LRRC28: variants seen among roughly 807,000 people sequenced by gnomAD.
The protein encoded by LRRC28 is leucine-rich repeat-containing protein 28.
LRRC28 carries 39 observed loss-of-function variants against 45.7 expected under a neutral mutation model. The observed-to-expected ratio is 0.85, with a 90% CI of 0.66 to 1.12. LRRC28 has a LOEUF of 1.12. Ranked by LOEUF, LRRC28 falls within the 50% of genes most tolerant of loss-of-function variation. The pLI is 0.00. For synonymous variants in LRRC28, 206 were observed against 178.8 expected, an observed-to-expected ratio of 1.15 and a Z score of -1.22; for missense variants, 435 against 438.5, an observed-to-expected ratio of 0.99 and a Z score of 0.07.
intron 7 of LRRC28, 84 bp from the exon 8 acceptor site, chr15:99,361,252 G>A (rs1597430916): frequency 6.9e-7 from 1 of 1,455,428 alleles, no homozygotes; most frequent in Non-Finnish European, 9.2e-7. Context: ...ATTTTCAAAT[G>A]TATATTTTGA....
intron 5 of LRRC28, among the ~76,000 whole-genome samples, chr15:99,327,534 A>C (rs983816682): frequency 3.9e-5 from 6 of 152,120 alleles, no homozygotes; most frequent in African/African-American, 1.4e-4. Context: ...AATTTCTGTA[A>C]AGTTAATAGT....
Position 99,317,775 on chromosome 15 carries a change from G to GA in LRRC28, c.386-16141dup, listed in dbSNP as rs949356924. ...TTTTATTTGCAACTAAAGCATTTCT[G>GA]AAAAAAATATGACTTATAAAACACA... is the stretch of plus-strand genomic sequence containing the variant. On this transcript the variant is annotated intron_variant, in intron 5 of 9. Transcript: ENST00000301981. Among the ~76,000 whole-genome samples, 4 of 152,128 alleles carry GA rather than the reference G, an allele frequency of 2.6e-5. No homozygotes were observed. In the East Asian group the frequency reaches 5.8e-4, roughly 22 times the overall value.
chr15:99,323,690 A>G (rs1261708847), intron 5 of LRRC28, among the ~76,000 whole-genome samples: 1 of 152,238 alleles, frequency 6.6e-6, no homozygotes, highest in South Asian at 2.1e-4. Flanking sequence ...CATCAATTAC[A>G]GAAGTATTTA....
intron 5 of LRRC28, among the ~76,000 whole-genome samples, chr15:99,299,731 C>T (rs2082350453): frequency 6.6e-6 from 1 of 152,180 alleles, no homozygotes; most frequent in Non-Finnish European, 1.5e-5. Flanking sequence ...AACCCCCCCA[C>T]TCAATGTGCA....
intron 2 of LRRC28, among the ~76,000 whole-genome samples, chr15:99,257,280 G>T (rs2081050423): frequency 6.6e-6 from 1 of 152,196 alleles, no homozygotes; most frequent in Non-Finnish European, 1.5e-5. Flanking sequence ...TCTATTTGCA[G>T]TTATAGGAAT....
At chr15:99,258,182 A>C (rs968756112) in intron 2 of LRRC28, 95 of 1,612,496 alleles carry the variant, frequency 5.9e-5, no homozygotes, top group Non-Finnish European at 7.9e-5. Flanking sequence ...TGGCCAGTCA[A>C]CTTCTGAATT....
At chr15:99,311,853 C>T (rs1056832256) in intron 5 of LRRC28, among the ~76,000 whole-genome samples, 4 of 152,044 alleles carry the variant, frequency 2.6e-5, no homozygotes, top group African/African-American at 9.7e-5. Context: ...ATGTATATTT[C>T]TTAATTTCTT....
rs955608757 is a variant in LRRC28 at position 99,251,504 on chromosome 15, C to T, written c.-98C>T. ...CCGTCCCCCGCTTGGCTTCCAGCGCCGCTTGCGCTCCGGAGCGCTGGCTCT... is the reference window on the plus strand; with the variant it reads ...CCGTCCCCCGCTTGGCTTCCAGCGCTGCTTGCGCTCCGGAGCGCTGGCTCT... On this transcript the variant is annotated 5_prime_UTR_variant, in exon 1 of 10. Transcript: ENST00000301981. 7 of 152,362 alleles carry T rather than the reference C, an allele frequency of 4.6e-5. No individual in the cohort carries two copies. Among genetic ancestry groups the T allele is most frequent in the Admixed American group, 1.3e-4 (2 of 15,276 alleles). 9.4% of individuals were successfully genotyped at this position (152,362 alleles called of 1,614,324 possible).
Position 99,347,157 on chromosome 15 carries a change from C to G in LRRC28, c.593-5212C>G, listed in dbSNP as rs1165761552. On this transcript the variant is annotated intron_variant, in intron 6 of 9. Coordinates refer to ENST00000301981, the MANE Select transcript of LRRC28 (RefSeq NM_144598.5). Reference sequence around the variant, plus strand: ...GTCTGCTATTTTCCATCCTTACCTTCTTCCCACATGATAACGCCTGTTTCA... The same window carrying G: ...GTCTGCTATTTTCCATCCTTACCTTGTTCCCACATGATAACGCCTGTTTCA... 2.0e-5 allele frequency among the ~76,000 whole-genome samples: 3 copies of G among 151,712 alleles called. No individual in the cohort carries two copies. In the East Asian group the frequency reaches 5.8e-4, roughly 29 times the overall value.
chr15:99,389,406 TTAG>T lies in LRRC28; in HGVS notation c.*3313_*3315del, dbSNP rs1003804189. On this transcript the variant is annotated 3_prime_UTR_variant, in exon 10 of 10. Transcript: ENST00000301981. ...GGACTTTCAAAGCCAATTTTTAAAA[TTAG>T]TAGTAGTAAAGGTTTTTCCCTTTCC... 2.6e-5 allele frequency: 4 copies of T among 152,320 alleles called. No homozygotes were observed. In the South Asian group the frequency reaches 6.2e-4, roughly 24 times the overall value. 9.4% of individuals were successfully genotyped at this position (152,320 alleles called of 1,614,324 possible).
At chr15:99,366,280 C>T (rs1237530015) in intron 9 of LRRC28, among the ~76,000 whole-genome samples, 3 of 152,172 alleles carry the variant, frequency 2.0e-5, no homozygotes, top group Non-Finnish European at 4.4e-5. Flanking sequence ...CTTCTCCCTT[C>T]GTCTCTTCAC....
intron 5 of LRRC28, among the ~76,000 whole-genome samples, chr15:99,315,763 A>T (rs2152270957): frequency 6.6e-6 from 1 of 152,304 alleles, no homozygotes; most frequent in Non-Finnish European, 1.5e-5. Context: ...AAGGTAAGGT[A>T]TCAGAAATAC....
At chr15:99,279,598 G>T (rs562281927) in intron 3 of LRRC28, among the ~76,000 whole-genome samples, 109 of 152,180 alleles carry the variant, frequency 7.2e-4, no homozygotes, top group Non-Finnish European at 1.4e-3. Flanking sequence ...TTTTCTCTTT[G>T]ATTGTGAACT....
intron 3 of LRRC28, chr15:99,284,945 C>CCCATCAAAACCACCTCCA: frequency 1.6e-6 from 1 of 611,044 alleles, no homozygotes; most frequent in Non-Finnish European, 3.1e-6. Flanking sequence ...AGTTGTCATT[C>CCCATCAAAACCACCTCCA]CCATCAAAAC....
chr15:99,293,627 A>AAAAAAAAAAAAAAC (rs2082190095), intron 5 of LRRC28, among the ~76,000 whole-genome samples: 1 of 143,752 alleles, frequency 7.0e-6, no homozygotes, highest in Admixed American at 7.1e-5. Flanking sequence ...AAAAAAAAAA[A>AAAAAAAAAAAAAAC]AAAAAACCTA....
At chr15:99,275,368 CCTCTA>C (rs1323065602) in intron 2 of LRRC28, among the ~76,000 whole-genome samples, 3 of 152,132 alleles carry the variant, frequency 2.0e-5, no homozygotes, top group African/African-American at 7.2e-5. Context: ...ATTTCCTGGC[CCTCTA>C]CTCTGATGTC....
chr15:99,322,470 T>C (rs111878414), intron 5 of LRRC28, among the ~76,000 whole-genome samples: 6 of 152,244 alleles, frequency 3.9e-5, no homozygotes, highest in East Asian at 3.9e-4. Flanking sequence ...TGGACTCTTA[T>C]GGGGCCCTCA....
chr15:99,302,637 G>A (rs1955026302), intron 5 of LRRC28, among the ~76,000 whole-genome samples: 1 of 152,174 alleles, frequency 6.6e-6, no homozygotes, highest in Non-Finnish European at 1.5e-5. Flanking sequence ...TTTATTCAAT[G>A]TCCACAGTTT....
At chr15:99,358,139 A>G (rs1457618476) in intron 7 of LRRC28, among the ~76,000 whole-genome samples, 1 of 152,222 alleles carries the variant, frequency 6.6e-6, no homozygotes, top group East Asian at 1.9e-4. Flanking sequence ...TACAAAGATT[A>G]GCAGCTTTTC....
Sources: gnomAD v4.1 joint callset for allele counts (sites outside exome capture counted in the v4.1 genomes callset) on GRCh38, gnomAD v4.1.1 for gene constraint, MANE v1.5 for transcripts, NCBI Gene and HGNC (gene_info 2026-07-23, HGNC 2026-07-21) for gene names.